GHRL: variants seen among roughly 807,000 people sequenced by gnomAD.
The protein encoded by GHRL is ghrelin and obestatin prepropeptide.
A neutral mutation model predicts 16.9 loss-of-function variants in GHRL; 24 were observed. The ratio of observed to expected loss-of-function variants is 1.42; its 90% CI spans 1.03 to 2.00. The LOEUF (loss-of-function observed/expected upper bound fraction) is 2.00. GHRL is among the 30% of genes most tolerant of loss of function. The pLI, the probability that GHRL is intolerant of heterozygous loss-of-function variation, is 0.00. For missense variants in GHRL, 193 were observed against 142.1 expected (o/e 1.36, Z -1.82); for synonymous variants, 63 against 58.2 (o/e 1.08, Z -0.37).
At chr3:10,286,624 G>A (rs868161544) in intron 5 of GHRL, 80 bp downstream of exon 5, 5 of 742,938 alleles carry the variant, frequency 6.7e-6, no homozygotes, top group Middle Eastern at 4.7e-4. Flanking sequence ...CAGAGGTTGG[G>A]GAAAACTCAT....
chr3:10,290,595 C>T (rs1699854667), intron 2 of GHRL, 121 bp downstream of exon 2: 2 of 335,266 alleles, frequency 6.0e-6, no homozygotes, highest in South Asian at 8.1e-5. Flanking sequence ...TCCAGCCAGA[C>T]AGTCCGACAT....
Position 10,290,094 on chromosome 3 carries a change from G to A in GHRL, c.87C>T (p.Ser29=). ...TCACCTGGACTCTCTGGTGTTCAGG[G>A]CTCAGGAAGCTGGAGCCTGCCATGG... ...DLAMAGSSFL[S]PEHQRVQQRK... The change falls in exon 3 of 6, where the codon AGC becomes AGT. Residue 29 remains serine, a synonymous_variant. Coordinates refer to ENST00000335542, the MANE Select transcript of GHRL (RefSeq NM_016362.5). The A allele has an allele frequency of 3.7e-6, 6 of 1,612,652 alleles. No homozygotes were observed. The highest frequency in any genetic ancestry group is 5.1e-6 in the Non-Finnish European group (6 of 1,179,648).
chr3:10,289,410 A>C (rs547446915), intron 4 of GHRL, among the ~76,000 whole-genome samples: 3 of 152,258 alleles, frequency 2.0e-5, no homozygotes, highest in African/African-American at 7.2e-5. Flanking sequence ...TTTTCTGCAG[A>C]GCAACATCTT....
intron 2 of GHRL, 103 bp downstream of exon 2, chr3:10,290,613 G>T: frequency 4.8e-6 from 2 of 417,212 alleles, no homozygotes; most frequent in Non-Finnish European, 6.8e-6. Context: ...CATCCCCCGT[G>T]TTTAGAGGGG....
chr3:10,286,038 T>C, intron 5 of GHRL, 144 bp from the exon 6 acceptor site: 2 of 715,876 alleles, frequency 2.8e-6, no homozygotes, highest in Admixed American at 4.8e-5. Flanking sequence ...GGCACTCAAG[T>C]GTGGACTGTT....
At chr3:10,289,950 A>G (rs1576071141) in intron 3 of GHRL, 72 bp from the exon 4 acceptor site, 1 of 1,492,626 alleles carries the variant, frequency 6.7e-7, no homozygotes. Flanking sequence ...GGTCAGACCC[A>G]GAGTCCTTTG....
chr3:10,291,573 G>T (rs900143879), intron 1 of GHRL, 122 bp from the exon 2 acceptor site: 1 of 560,530 alleles, frequency 1.8e-6, no homozygotes. Context: ...GCGATGGGGG[G>T]AAAGTGGCTT....
chr3:10,290,739 G>A lies in GHRL; in HGVS notation c.-53C>T. On this transcript the variant is annotated 5_prime_UTR_variant, in exon 2 of 6. Transcript: ENST00000335542. ...ACCTGCAGTTCCTGGCGGAGGTGGTGCCTGGTGGCTGTCAGGTCCTTATAT... is the reference window on the plus strand; with the variant it reads ...ACCTGCAGTTCCTGGCGGAGGTGGTACCTGGTGGCTGTCAGGTCCTTATAT... The A allele has an allele frequency of 2.0e-6, 2 of 998,604 alleles. No individual in the cohort carries two copies. Among genetic ancestry groups the A allele is most frequent in the Non-Finnish European group, 2.4e-6 (2 of 838,188 alleles). The allele number at this position is 998,604 out of a possible 1,614,324, so 61.9% of individuals were successfully genotyped here.
chr3:10,289,202 C>T (rs1699553262), intron 4 of GHRL, among the ~76,000 whole-genome samples: 2 of 152,252 alleles, frequency 1.3e-5, no homozygotes, highest in South Asian at 4.1e-4. Flanking sequence ...TCCTCTCCAT[C>T]CTTGGGTTGT....
rs559307097 is a variant in GHRL at position 10,289,268 on chromosome 3, C to A, written c.225+494G>T. Among the ~76,000 whole-genome samples the A allele has an allele frequency of 2.6e-5, 4 of 152,322 alleles. No homozygotes were observed. The East Asian group carries it at 5.8e-4, about 22-fold the overall frequency. On this transcript the variant is annotated intron_variant, in intron 4 of 5. Coordinates refer to ENST00000335542, the MANE Select transcript of GHRL (RefSeq NM_016362.5). ...TGTCAGAGCACATCACCCACACCTGCCCCCTCCTTGCCTCCAGGCGAGGTG... is the reference window on the plus strand; with the variant it reads ...TGTCAGAGCACATCACCCACACCTGACCCCTCCTTGCCTCCAGGCGAGGTG...
chr3:10,287,103 A>AT (rs918572364), intron 4 of GHRL: 26 of 217,522 alleles, frequency 1.2e-4, no homozygotes, highest in Admixed American at 9.0e-4. Context: ...CTAGTGTGAG[A>AT]TTTTTTTTCT....
At position 10,291,207 on chromosome 3, in the gene GHRL, G is replaced by C. The variant is rs1043161590; in HGVS notation, c.-521C>G. The C allele has an allele frequency of 4.1e-6, 4 of 985,654 alleles. No individual in the cohort carries two copies. The highest frequency in any genetic ancestry group is 1.2e-4 in the Admixed American group (2 of 16,286). 61.1% of individuals were successfully genotyped at this position (985,654 alleles called of 1,614,324 possible). The stretch of plus-strand genomic sequence containing the variant: ...CGGGAGTCCGCAGGGAGCCAGGCTG[G>C]TGATTCTACACCTTCCCGAGGAGGA... On this transcript the variant is annotated 5_prime_UTR_variant, in exon 2 of 6. Coordinates refer to ENST00000335542, the MANE Select transcript of GHRL (RefSeq NM_016362.5).
At chr3:10,289,998 C>G in intron 3 of GHRL, 75 bp downstream of exon 3, 1 of 1,563,560 alleles carries the variant, frequency 6.4e-7, no homozygotes. Flanking sequence ...GATGGCGCTG[C>G]TGCTCCAGGT....
intron 1 of GHRL, chr3:10,292,553 T>C (rs1700145258): frequency 4.8e-6 from 2 of 419,136 alleles, no homozygotes; most frequent in Admixed American, 4.7e-5. Context: ...TTGGTAAACA[T>C]CTCACCACCA....
In GHRL at chr3:10,290,208, G is replaced by A. The variant is rs1375946426; in HGVS notation, c.-28C>T. On this transcript the variant is annotated splice_region_variant and 5_prime_UTR_variant, in exon 3 of 6. Coordinates refer to ENST00000335542, the MANE Select transcript of GHRL (RefSeq NM_016362.5). ...CCTCAGCTGGGTTGCAGACAGGTGG[G>A]CCTGGGGGAGAGAGGGTCTCCAGGC... 6.3e-6 allele frequency: 10 copies of A among 1,593,772 alleles called. No individual in the cohort carries two copies. Among genetic ancestry groups the A allele is most frequent in the Non-Finnish European group, 8.5e-6 (10 of 1,171,810 alleles).
In GHRL at chr3:10,286,689, C is replaced by T; in HGVS notation, c.334+15G>A. On this transcript the variant is annotated intron_variant, in intron 5 of 5. Transcript: ENST00000335542. ...TGCAAGGAAACCGAGCAAACCCAGT[C>T]CAGGCAGGACTCACCTTTGGCCTCT... 4 of 1,426,830 alleles carry T rather than the reference C, an allele frequency of 2.8e-6. No individual in the cohort carries two copies. The highest frequency in any genetic ancestry group is 4.0e-6 in the Non-Finnish European group (4 of 1,009,088). The allele number at this position is 1,426,830 out of a possible 1,614,324, so 88.4% of individuals were successfully genotyped here.
intron 2 of GHRL, 134 bp from the exon 3 acceptor site, chr3:10,290,343 C>G (rs1027637484): frequency 5.2e-6 from 4 of 770,916 alleles, no homozygotes; most frequent in Non-Finnish European, 8.2e-6. Context: ...AGAGGACCCC[C>G]GCTTCCACCT....
intron 1 of GHRL, 35 bp downstream of exon 1, chr3:10,292,807 C>T (rs1700180581): frequency 7.9e-7 from 1 of 1,269,542 alleles, no homozygotes. Flanking sequence ...ACTGTGGTGA[C>T]CAGGTACCTC....
Position 10,285,775 on chromosome 3 carries a change from C to A in GHRL, c.*100G>T. 1 of 890,596 alleles carries A rather than the reference C, an allele frequency of 1.1e-6. No homozygotes were observed. Among genetic ancestry groups the A allele is most frequent in the Non-Finnish European group, 1.9e-6 (1 of 531,948 alleles). 55.2% of individuals were successfully genotyped at this position (890,596 alleles called of 1,614,324 possible). ...TACAGTTTGAACATTTATTCGCCTC[C>A]TGAGCTTGTACAACAGTCGTGGGAG... On this transcript the variant is annotated 3_prime_UTR_variant, in exon 6 of 6. Transcript: ENST00000335542.
Sources: gnomAD v4.1 joint callset for allele counts (sites outside exome capture counted in the v4.1 genomes callset) on GRCh38, gnomAD v4.1.1 for gene constraint, MANE v1.5 for transcripts, NCBI Gene and HGNC (gene_info 2026-07-23, HGNC 2026-07-21) for gene names.